Variants in NAALADL2 observed in about 807,000 individuals in gnomAD.
NAALADL2 encodes the protein inactive N-acetylated-alpha-linked acidic dipeptidase-like protein 2.
A neutral mutation model predicts 87.2 loss-of-function variants in NAALADL2; 76 were observed. The observed-to-expected ratio is 0.87, with a 90% CI of 0.72 to 1.05. The LOEUF is 1.05. Ranked by LOEUF, NAALADL2 falls within the 50% of genes least tolerant of loss-of-function variation. NAALADL2 has a pLI of 0.00. For synonymous variants in NAALADL2, 354 were observed against 331.0 expected, an observed-to-expected ratio of 1.07 and a Z score of -0.75; for missense variants, 1,089 against 945.8, an observed-to-expected ratio of 1.15 and a Z score of -1.99.
intron 1 of NAALADL2, among the ~76,000 whole-genome samples, chr3:174,996,358 G>T (rs1032149979): frequency 6.6e-6 from 1 of 151,924 alleles, no homozygotes; most frequent in African/African-American, 2.4e-5. Context: ...TTAGCTGGGC[G>T]TGGTGGCAGG....
intron 1 of NAALADL2, among the ~76,000 whole-genome samples, chr3:174,522,161 T>A (rs779839629): frequency 2.0e-5 from 3 of 152,114 alleles, no homozygotes; most frequent in Non-Finnish European, 2.9e-5. Context: ...TAGAGTATAG[T>A]GGGATATTTT....
At chr3:174,458,849 C>T (rs1203167176) in intron 1 of NAALADL2, among the ~76,000 whole-genome samples, 1 of 152,120 alleles carries the variant, frequency 6.6e-6, no homozygotes, top group East Asian at 1.9e-4. Flanking sequence ...TAGACTATAG[C>T]CTCATCTCCT....
At chr3:175,154,215 C>A (rs528189824) in intron 2 of NAALADL2, among the ~76,000 whole-genome samples, 1 of 152,040 alleles carries the variant, frequency 6.6e-6, no homozygotes, top group Admixed American at 6.6e-5. Context: ...TTTTCTGGTA[C>A]CTTTATCACT....
intron 2 of NAALADL2, among the ~76,000 whole-genome samples, chr3:175,141,614 G>A (rs1336858059): frequency 6.6e-6 from 1 of 152,016 alleles, no homozygotes; most frequent in Admixed American, 6.6e-5. Context: ...TCATAAGAAA[G>A]TACAGCAAAG....
At chr3:174,689,440 T>C (rs540065595) in intron 2 of NAALADL2, among the ~76,000 whole-genome samples, 6 of 151,682 alleles carry the variant, frequency 4.0e-5, no homozygotes, top group African/African-American at 1.4e-4. Flanking sequence ...CTGCTTGTCA[T>C]GGATCATCTT....
chr3:175,385,046 A>G (rs924557814), intron 5 of NAALADL2, among the ~76,000 whole-genome samples: 31 of 152,052 alleles, frequency 2.0e-4, no homozygotes, highest in Non-Finnish European at 2.5e-4. Context: ...TACATAATTA[A>G]GAAACTTTGA....
At chr3:174,734,748 G>A (rs1733027234) in intron 2 of NAALADL2, among the ~76,000 whole-genome samples, 1 of 152,118 alleles carries the variant, frequency 6.6e-6, no homozygotes, top group African/African-American at 2.4e-5. Flanking sequence ...TTCTAAATTG[G>A]TGAATTTACA....
At chr3:174,805,811 A>C (rs1719400710) in intron 3 of NAALADL2, among the ~76,000 whole-genome samples, 1 of 152,222 alleles carries the variant, frequency 6.6e-6, no homozygotes, top group African/African-American at 2.4e-5. Context: ...AATCATAAAT[A>C]TAGAAGAAAA....
intron 11 of NAALADL2, among the ~76,000 whole-genome samples, chr3:175,647,050 C>G (rs1317080116): frequency 6.6e-6 from 1 of 152,060 alleles, no homozygotes; most frequent in African/African-American, 2.4e-5. Context: ...CAAGGCAGAG[C>G]AAGAGCAAAA....
intron 1 of NAALADL2, among the ~76,000 whole-genome samples, chr3:174,499,327 T>C (rs1718741805): frequency 6.6e-6 from 1 of 152,084 alleles, no homozygotes; most frequent in Non-Finnish European, 1.5e-5. Flanking sequence ...TGGATACAAG[T>C]TATCAGATAC....
intron 5 of NAALADL2, among the ~76,000 whole-genome samples, chr3:175,348,390 G>A (rs1763383807): frequency 6.6e-6 from 1 of 152,074 alleles, no homozygotes; most frequent in African/African-American, 2.4e-5. Flanking sequence ...TACTTGTAGA[G>A]GATTACCATA....
chr3:175,257,372 T>G (rs1040000747), intron 4 of NAALADL2, among the ~76,000 whole-genome samples: 7 of 59,486 alleles, frequency 1.2e-4, no homozygotes, highest in African/African-American at 3.4e-4. Context: ...CCTATGTCTG[T>G]TTTTTTTTTA....
intron 11 of NAALADL2, among the ~76,000 whole-genome samples, chr3:175,642,515 T>C (rs77217564): frequency 6.6e-6 from 1 of 151,136 alleles, no homozygotes; most frequent in African/African-American, 2.5e-5. Flanking sequence ...TTTTTTTTTT[T>C]CTTGAGACAG....
intron 1 of NAALADL2, among the ~76,000 whole-genome samples, chr3:174,947,768 A>G (rs1258002688): frequency 6.6e-6 from 1 of 152,152 alleles, no homozygotes; most frequent in Non-Finnish European, 1.5e-5. Flanking sequence ...ACACACACAT[A>G]CACATATGTG....
intron 9 of NAALADL2, among the ~76,000 whole-genome samples, chr3:175,545,675 A>T (rs75024520): frequency 0.015 from 2,256 of 152,272 alleles, 50 homozygotes; most frequent in African/African-American, 0.049. Flanking sequence ...CCCATGTTTT[A>T]AAACTTATTT....
intron 5 of NAALADL2, among the ~76,000 whole-genome samples, chr3:175,333,508 T>A (rs60316134): frequency 0.024 from 3,601 of 152,266 alleles, 135 homozygotes; most frequent in African/African-American, 0.077. Context: ...TGAAATCATG[T>A]CATTTACAGC....
chr3:174,956,982 A>G lies in NAALADL2; in HGVS notation c.43+97532A>G, dbSNP rs1439310444. Among the ~76,000 whole-genome samples the G allele has an allele frequency of 3.3e-5, 5 of 152,114 alleles. No individual in the cohort carries two copies. The South Asian group carries it at 6.2e-4, about 19-fold the overall frequency. On this transcript the variant is annotated intron_variant, in intron 1 of 13. Coordinates refer to ENST00000454872, the MANE Select transcript of NAALADL2 (RefSeq NM_207015.3). ...TTTCAGGGATGTAGCTTTCTCTATCAGTACTCACCGCTTTTACTTTCCTTC... is the reference window on the plus strand; with the variant it reads ...TTTCAGGGATGTAGCTTTCTCTATCGGTACTCACCGCTTTTACTTTCCTTC...
intron 2 of NAALADL2, among the ~76,000 whole-genome samples, chr3:175,199,854 A>G (rs1187878733): frequency 3.7e-4 from 7 of 18,924 alleles, no homozygotes; most frequent in African/African-American, 1.6e-3. Context: ...ATATATATAT[A>G]TATATATATA....
At chr3:174,769,075 CT>C (rs1489660426) in intron 3 of NAALADL2, among the ~76,000 whole-genome samples, 1 of 151,686 alleles carries the variant, frequency 6.6e-6, no homozygotes, top group Non-Finnish European at 1.5e-5. Context: ...AAAATAACAT[CT>C]AACTTTGGTT....
Sources: gnomAD v4.1 joint callset for allele counts (sites outside exome capture counted in the v4.1 genomes callset) on GRCh38, gnomAD v4.1.1 for gene constraint, MANE v1.5 for transcripts, NCBI Gene and HGNC (gene_info 2026-07-23, HGNC 2026-07-21) for gene names.